The following STK3 variants were observed in gnomAD, a reference collection of about 807,000 sequenced individuals.
STK3 encodes the protein serine/threonine kinase 3.
In STK3, 41 loss-of-function variants were observed where a neutral mutation model predicts 58.0. The ratio of observed to expected loss-of-function variants is 0.71; its 90% CI spans 0.55 to 0.92. The LOEUF (loss-of-function observed/expected upper bound fraction) is 0.92, where lower values mean the gene tolerates loss of function less well. Ranked by LOEUF, STK3 falls within the 40% of genes least tolerant of loss-of-function variation. The probability of loss-of-function intolerance (pLI) is 0.00; values close to 1 mark genes in which losing one functional copy is unlikely to be tolerated. For synonymous variants in STK3, 170 were observed against 191.0 expected (o/e 0.89, Z 0.91); for missense variants, 479 against 602.7 (o/e 0.79, Z 2.15).
At chr8:98,660,598 G>A (rs565393460) in intron 6 of STK3, among the ~76,000 whole-genome samples, 2 of 152,080 alleles carry the variant, frequency 1.3e-5, no homozygotes, top group Admixed American at 6.6e-5. Context: ...TGATATAGCA[G>A]CTCTCTCCAT....
intron 4 of STK3, among the ~76,000 whole-genome samples, chr8:98,728,101 C>T (rs542233055): frequency 1.4e-4 from 22 of 152,232 alleles, no homozygotes; most frequent in Non-Finnish European, 2.9e-4. Context: ...ATAAAGAATA[C>T]ACACATTAAA....
At chr8:98,523,706 G>GT (rs1165987198) in intron 10 of STK3, among the ~76,000 whole-genome samples, 157 of 147,870 alleles carry the variant, frequency 1.1e-3, no homozygotes, top group East Asian at 4.9e-3. Flanking sequence ...GACTGTTTGG[G>GT]TTTTTTTTTT....
At chr8:98,533,464 G>A (rs1809485555) in intron 9 of STK3, among the ~76,000 whole-genome samples, 1 of 152,092 alleles carries the variant, frequency 6.6e-6, no homozygotes, top group East Asian at 1.9e-4. Flanking sequence ...ATGTATGTAT[G>A]TATGGATGGA....
At chr8:98,824,906 T>C (rs1445135936) in intron 1 of STK3, among the ~76,000 whole-genome samples, 1 of 152,236 alleles carries the variant, frequency 6.6e-6, no homozygotes, top group Non-Finnish European at 1.5e-5. Context: ...ATACATATTA[T>C]GAACTTCTGT....
intron 3 of STK3, among the ~76,000 whole-genome samples, chr8:98,760,178 G>C (rs1317953967): frequency 6.6e-6 from 1 of 152,078 alleles, no homozygotes; most frequent in Non-Finnish European, 1.5e-5. Flanking sequence ...GTATCACTCT[G>C]TCACCCACGC....
chr8:98,906,006 A>AGATT (rs1465319138), intron 1 of STK3, among the ~76,000 whole-genome samples: 1 of 152,198 alleles, frequency 6.6e-6, no homozygotes, highest in African/African-American at 2.4e-5. Context: ...CAAAACTCAG[A>AGATT]GATTGGCACA....
intron 6 of STK3, among the ~76,000 whole-genome samples, chr8:98,691,761 G>A (rs780741760): frequency 1.3e-5 from 2 of 151,876 alleles, no homozygotes; most frequent in Non-Finnish European, 2.9e-5. Context: ...GTGAAACCCC[G>A]TCTCTACTAA....
chr8:98,747,837 C>G lies in STK3; in HGVS notation c.351+1439G>C, dbSNP rs1452862623. On this transcript the variant is annotated intron_variant, in intron 4 of 10. Coordinates refer to ENST00000419617, the MANE Select transcript of STK3 (RefSeq NM_006281.4). ...GAACCCAGGGTACCTGTTGTGTGAG[C>G]GTAACAACTATGTTATTCCAAGTGT... 4.6e-5 allele frequency among the ~76,000 whole-genome samples: 7 copies of G among 152,198 alleles called. No homozygotes were observed. In the South Asian group the frequency reaches 6.2e-4, roughly 14 times the overall value.
chr8:98,807,382 G>T (rs566749871), intron 1 of STK3, among the ~76,000 whole-genome samples: 1 of 151,826 alleles, frequency 6.6e-6, no homozygotes, highest in Non-Finnish European at 1.5e-5. Context: ...CCAGCCTCCC[G>T]AGGAGCTGGG....
At chr8:98,558,771 G>T (rs1811789789) in intron 8 of STK3, among the ~76,000 whole-genome samples, 1 of 150,996 alleles carries the variant, frequency 6.6e-6, no homozygotes. Context: ...TGTTCTTTTT[G>T]GTTTGTTGGT....
chr8:98,383,823 A>T (rs1020449864), intron 1 of STK3, among the ~76,000 whole-genome samples: 21 of 152,260 alleles, frequency 1.4e-4, no homozygotes, highest in African/African-American at 4.8e-4. Context: ...AAAAACGTAC[A>T]GTCTCAGATA....
intron 1 of STK3, among the ~76,000 whole-genome samples, chr8:98,775,821 A>T (rs1410231291): frequency 6.6e-6 from 1 of 152,234 alleles, no homozygotes; most frequent in African/African-American, 2.4e-5. Flanking sequence ...ATGTGTACTG[A>T]AAGAGTAAAT....
At chr8:98,500,649 A>G (rs1487218977) in intron 10 of STK3, among the ~76,000 whole-genome samples, 1 of 152,068 alleles carries the variant, frequency 6.6e-6, no homozygotes, top group Non-Finnish European at 1.5e-5. Flanking sequence ...ATGAGTGAGA[A>G]CATGTGGTGT....
rs554783265 is a variant in STK3, at chr8:98,934,917, A to AAAAATAAAAT, written c.-79+7451_-79+7460dup. ...GGGCAACAGAGCGAGACGCCGTCTC[A>AAAAATAAAAT]AAAATAAAATAAAATAAAATAAAAT... On this transcript the variant is annotated intron_variant, in intron 1 of 1. Transcript: ENST00000519420. Among the ~76,000 whole-genome samples the AAAAATAAAAT allele has an allele frequency of 4.9e-3, 731 of 149,942 alleles. 4 individuals are homozygous for AAAAATAAAAT. Among genetic ancestry groups the AAAAATAAAAT allele is most frequent in the African/African-American group, 0.017 (692 of 40,822 alleles).
At chr8:98,434,587 C>T (rs1818418159) in intron 2 of STK3, among the ~76,000 whole-genome samples, 1 of 152,196 alleles carries the variant, frequency 6.6e-6, no homozygotes, top group African/African-American at 2.4e-5. Flanking sequence ...TAGCACCATC[C>T]TCCTGGGTAA....
intron 1 of STK3, among the ~76,000 whole-genome samples, chr8:98,445,022 CT>C (rs756110807): frequency 5.3e-5 from 8 of 152,058 alleles, no homozygotes; most frequent in Non-Finnish European, 7.4e-5. Context: ...ACAGAGTATA[CT>C]TTTATCTTTT....
chr8:98,647,777 G>A (rs1820516440), intron 6 of STK3, among the ~76,000 whole-genome samples: 1 of 152,174 alleles, frequency 6.6e-6, no homozygotes, highest in Non-Finnish European at 1.5e-5. Flanking sequence ...GAGTAGCTGG[G>A]ATTGTAGGCA....
At chr8:98,866,587 T>A (rs1224137591) in intron 3 of STK3, among the ~76,000 whole-genome samples, 1 of 152,196 alleles carries the variant, frequency 6.6e-6, no homozygotes, top group Non-Finnish European at 1.5e-5. Flanking sequence ...GTTTATTGAA[T>A]ACGTACCGTG....
At chr8:98,550,712 T>C (rs1811093155) in intron 8 of STK3, among the ~76,000 whole-genome samples, 1 of 152,150 alleles carries the variant, frequency 6.6e-6, no homozygotes, top group South Asian at 2.1e-4. Context: ...CCCATCTAAC[T>C]TTCTAGAGTC....
Sources: gnomAD v4.1 joint callset for allele counts (sites outside exome capture counted in the v4.1 genomes callset) on GRCh38, gnomAD v4.1.1 for gene constraint, MANE v1.5 for transcripts, NCBI Gene and HGNC (gene_info 2026-07-23, HGNC 2026-07-21) for gene names.